KDM3A: variants seen among roughly 807,000 people sequenced by gnomAD.
KDM3A encodes the protein lysine demethylase 3A, also known as lysine-specific demethylase 3A.
KDM3A carries 60 observed loss-of-function variants against 158.0 expected under a neutral mutation model. The ratio of observed to expected loss-of-function variants is 0.38; its 90% CI spans 0.31 to 0.47. The LOEUF is 0.47. KDM3A is among the 20% of genes least tolerant of loss of function. KDM3A has a pLI of 0.99. For synonymous variants in KDM3A, 608 were observed against 549.3 expected (o/e 1.11, Z -1.49); for missense variants, 1,319 against 1,574.3 (o/e 0.84, Z 2.74).
intron 5 of KDM3A, 43 bp from the exon 6 acceptor site, chr2:86,456,399 A>T: frequency 7.4e-7 from 1 of 1,355,920 alleles, no homozygotes; most frequent in Non-Finnish European, 9.8e-7. Context: ...TTGGGAGATA[A>T]TGCAAATTGC....
At chr2:86,460,637 C>T (rs901929413) in intron 8 of KDM3A, 15 of 152,314 alleles carry the variant, frequency 9.8e-5, no homozygotes, top group Middle Eastern at 6.8e-3. Flanking sequence ...CCTTGAAGGT[C>T]TTCTCTGCCT....
intron 4 of KDM3A, among the ~76,000 whole-genome samples, chr2:86,451,493 T>C (rs1472369400): frequency 6.6e-6 from 1 of 152,180 alleles, no homozygotes; most frequent in African/African-American, 2.4e-5. Flanking sequence ...GAAAATGTTA[T>C]TAAAATCATA....
intron 3 of KDM3A, 23 bp from the exon 4 acceptor site, chr2:86,451,080 T>C: frequency 6.6e-7 from 1 of 1,506,622 alleles, no homozygotes; most frequent in Non-Finnish European, 9.1e-7. Flanking sequence ...GTTATGATGC[T>C]AAAGTGTTTT....
intron 21 of KDM3A, 116 bp from the exon 22 acceptor site, chr2:86,489,202 T>G: frequency 8.4e-7 from 1 of 1,197,048 alleles, no homozygotes; most frequent in Non-Finnish European, 1.2e-6. Context: ...TGATCCAGAA[T>G]TTTTATTCTC....
At position 86,466,393 on chromosome 2, in the gene KDM3A, A is replaced by C. The variant is rs753759781; in HGVS notation, c.1029A>C (p.Pro343=). 6.2e-7 allele frequency: 1 copy of C among 1,610,720 alleles called. No homozygotes were observed. The change falls in exon 10 of 26, where the codon CCA becomes CCC. Residue 343 remains proline (P), a synonymous_variant. Transcript: ENST00000312912. ...TCAGATGTCATAAACAAAGTTTACC[A>C]GAGGAAATTTCTTCCTGTCTAAATA... ...IPQGCHKQSL[P]EEISSCLNTK...
chr2:86,480,453 A>T, intron 16 of KDM3A, 91 bp downstream of exon 16: 1 of 1,126,096 alleles, frequency 8.9e-7, no homozygotes, highest in South Asian at 1.6e-5. Flanking sequence ...GTCGTGTGGA[A>T]TGGAAAGTGC....
intron 25 of KDM3A, 77 bp from the exon 26 acceptor site, chr2:86,491,959 TTAG>T (rs1353594713): frequency 9.1e-6 from 8 of 878,584 alleles, no homozygotes; most frequent in East Asian, 2.6e-5. Context: ...GGTAATAAAA[TTAG>T]TAGGAGGAAG....
chr2:86,485,968 A>G (rs1301502164), intron 21 of KDM3A, 109 bp downstream of exon 21: 2 of 1,097,166 alleles, frequency 1.8e-6, no homozygotes, highest in Admixed American at 4.6e-5. Context: ...CCTAATGCGT[A>G]ATACAGCCAC....
intron 8 of KDM3A, among the ~76,000 whole-genome samples, chr2:86,459,807 T>C (rs1398669406): frequency 6.6e-6 from 1 of 152,200 alleles, no homozygotes; most frequent in Non-Finnish European, 1.5e-5. Flanking sequence ...ATACTATGTG[T>C]GCTATTGAGC....
intron 19 of KDM3A, among the ~76,000 whole-genome samples, chr2:86,484,404 G>C (rs1212298109): frequency 3.3e-5 from 5 of 152,178 alleles, no homozygotes; most frequent in Admixed American, 6.5e-5. Flanking sequence ...CTCTCTCTCT[G>C]AGCAGAATAA....
At chr2:86,470,153 G>A in intron 10 of KDM3A, 51 bp from the exon 11 acceptor site, 2 of 1,466,448 alleles carry the variant, frequency 1.4e-6, no homozygotes, top group Non-Finnish European at 1.9e-6. Context: ...ATATATGAAT[G>A]TGATTTTTAA....
intron 11 of KDM3A, among the ~76,000 whole-genome samples, chr2:86,472,737 A>G (rs1673477105): frequency 6.6e-6 from 1 of 152,150 alleles, no homozygotes; most frequent in South Asian, 2.1e-4. Flanking sequence ...CCCACTGCCT[A>G]GCAAAGTCAA....
chr2:86,473,045 T>A (rs149626390), intron 11 of KDM3A, among the ~76,000 whole-genome samples: 64 of 152,368 alleles, frequency 4.2e-4, no homozygotes, highest in African/African-American at 1.4e-3. Context: ...TCTGCTCTTA[T>A]AAGAATTAAT....
chr2:86,465,432 G>C (rs1178911217), intron 9 of KDM3A, among the ~76,000 whole-genome samples: 2 of 152,058 alleles, frequency 1.3e-5, no homozygotes, highest in Admixed American at 6.6e-5. Context: ...ATCTTGCTCT[G>C]TTGCCCAGGA....
chr2:86,463,972 A>C (rs552691225), intron 8 of KDM3A, 81 bp from the exon 9 acceptor site: 631 of 1,054,940 alleles, frequency 6.0e-4, no homozygotes, highest in Middle Eastern at 1.1e-3. Context: ...GTATTAAGCA[A>C]ATGATCTTAA....
Position 86,482,713 on chromosome 2 carries a change from C to T in KDM3A, c.2922+19C>T. Reference sequence around the variant, plus strand: ...AGGGCAGGTAATGTAGGCCTCCCATCCTCCTGCCCTATTCAGAACCCCCTT... The same window carrying T: ...AGGGCAGGTAATGTAGGCCTCCCATTCTCCTGCCCTATTCAGAACCCCCTT... On this transcript the variant is annotated intron_variant, in intron 18 of 25. Transcript: ENST00000312912. 1 of 1,611,168 alleles carries T rather than the reference C, an allele frequency of 6.2e-7. No individual in the cohort carries two copies. Among genetic ancestry groups the T allele is most frequent in the Non-Finnish European group, 8.5e-7 (1 of 1,179,140 alleles).
intron 20 of KDM3A, 51 bp downstream of exon 20, chr2:86,485,080 TA>T (rs1250497183): frequency 2.8e-6 from 3 of 1,062,252 alleles, no homozygotes; most frequent in Non-Finnish European, 4.3e-6. Context: ...CTTGGTAGGA[TA>T]AATTCTTTTT....
At position 86,484,097 on chromosome 2, in the gene KDM3A, C is replaced by T; in HGVS notation, c.3033C>T (p.Thr1011=). ...EQEVDLVNCR[T]NEIITGATVG... is the part of the protein sequence containing the mutation. ...AAGTAGACCTAGTTAATTGTAGGAC[C>T]AATGAAATCATCACAGGAGCCACAG... Residue 1011 remains threonine, a synonymous_variant, in exon 19 of 26, where the codon ACC becomes ACT. Coordinates refer to ENST00000312912, the MANE Select transcript of KDM3A (RefSeq NM_018433.6). 6.2e-7 allele frequency: 1 copy of T among 1,613,702 alleles called. No individual in the cohort carries two copies.
At position 86,466,872 on chromosome 2, in the gene KDM3A, A is replaced by G. The variant is rs1196298983; in HGVS notation, c.1508A>G (p.Lys503Arg). 16 of 1,600,168 alleles carry G rather than the reference A, an allele frequency of 1.0e-5. No homozygotes were observed. The Admixed American group carries it at 1.4e-4, about 14-fold the overall frequency. Residue 503 changes from lysine (K) to arginine (R), a missense_variant, in exon 10 of 26, where the codon AAA (lysine) becomes AGA (arginine). By Grantham distance (26) the Lys-to-Arg change is conservative. Transcript: ENST00000312912. Reference protein sequence around the residue: ...NESCCSRSNNKIQNAPSRKSV... With the variant: ...NESCCSRSNNRIQNAPSRKSV... ...AGCTGTTGTTCAAGAAGCAACAATA[A>G]AATCCAGAATGGTGAGTGTTTCTCA...
Sources: gnomAD v4.1 joint callset for allele counts (sites outside exome capture counted in the v4.1 genomes callset) on GRCh38, gnomAD v4.1.1 for gene constraint, MANE v1.5 for transcripts, NCBI Gene and HGNC (gene_info 2026-07-23, HGNC 2026-07-21) for gene names.